The following GSTO2 variants were observed in gnomAD, a reference collection of about 807,000 sequenced individuals.
The protein encoded by GSTO2 is glutathione S-transferase omega 2.
A neutral mutation model predicts 28.4 loss-of-function variants in GSTO2; 23 were observed. The ratio of observed to expected loss-of-function variants is 0.81; its 90% CI spans 0.58 to 1.15. The LOEUF is 1.15. GSTO2 is among the 50% of genes most tolerant of loss of function. The pLI is 0.00. For synonymous variants in GSTO2, 109 were observed against 111.0 expected, an observed-to-expected ratio of 0.98 and a Z score of 0.11; for missense variants, 298 against 297.8, an observed-to-expected ratio of 1.00 and a Z score of 0.00.
At position 104,278,126 on chromosome 10, in the gene GSTO2, A is replaced by G. The variant is rs1288205952; in HGVS notation, c.366+10A>G. 2.5e-6 allele frequency: 4 copies of G among 1,605,200 alleles called. No individual in the cohort carries two copies. In the South Asian group the frequency reaches 4.4e-5, roughly 18 times the overall value. ...GGAGCTATTTTGTAAGGTATATTCAATTTAAAAAGTCACTCACACTGTATT... is the reference window on the plus strand; with the variant it reads ...GGAGCTATTTTGTAAGGTATATTCAGTTTAAAAAGTCACTCACACTGTATT... On this transcript the variant is annotated intron_variant, in intron 4 of 6. Transcript: ENST00000338595.
rs2013223855 is a variant in GSTO2 at position 104,300,449 on chromosome 10, C to G, written c.*1165C>G. ...GTCCCTGGGAGCCCCCATCTCTCCA[C>G]TTATCTTGGTTGAGGTTTTAAACCT... is the stretch of plus-strand genomic sequence containing the variant. On this transcript the variant is annotated 3_prime_UTR_variant, in exon 7 of 7. Transcript: ENST00000338595. 1 of 152,414 alleles carries G rather than the reference C, an allele frequency of 6.6e-6. No individual in the cohort carries two copies. Among genetic ancestry groups the G allele is most frequent in the South Asian group, 2.1e-4 (1 of 4,832 alleles). The allele number at this position is 152,414 out of a possible 1,614,324, so 9.4% of individuals were successfully genotyped here. A position where few individuals can be genotyped will look rare whatever the true frequency, so the allele number is the denominator to read the frequency against.
intron 2 of GSTO2, 45 bp downstream of exon 2, chr10:104,274,994 C>T: frequency 6.4e-7 from 1 of 1,562,050 alleles, no homozygotes; most frequent in East Asian, 2.3e-5. Context: ...CGCCGCGTGA[C>T]AGAAAATGTT....
intron 5 of GSTO2, among the ~76,000 whole-genome samples, chr10:104,294,702 C>T (rs755652795): frequency 4.6e-5 from 7 of 152,120 alleles, no homozygotes; most frequent in Admixed American, 2.0e-4. Context: ...GAAGGATCAC[C>T]GATCCATTTA....
chr10:104,278,255 T>C, intron 4 of GSTO2, 139 bp downstream of exon 4: 2 of 677,142 alleles, frequency 3.0e-6, no homozygotes, highest in African/African-American at 1.8e-5. Context: ...TTAGCTAGCA[T>C]GGAATTAGGG....
intron 5 of GSTO2, chr10:104,286,018 A>G (rs1363766980): frequency 3.6e-6 from 1 of 281,194 alleles, no homozygotes; most frequent in Admixed American, 4.8e-5. Flanking sequence ...GTAGACTACA[A>G]GCTAAATTTT....
intron 5 of GSTO2, among the ~76,000 whole-genome samples, chr10:104,287,795 C>T (rs2012525052): frequency 7.0e-6 from 1 of 142,126 alleles, no homozygotes; most frequent in African/African-American, 2.7e-5. Flanking sequence ...AAGATTTTGT[C>T]TTTTACATTA....
intron 4 of GSTO2, among the ~76,000 whole-genome samples, chr10:104,278,609 G>A (rs886758639): frequency 6.6e-6 from 1 of 152,212 alleles, no homozygotes; most frequent in Non-Finnish European, 1.5e-5. Flanking sequence ...AGCCTCCTGA[G>A]TAGCTGGGAT....
At chr10:104,280,823 C>T (rs191793729) in intron 5 of GSTO2, among the ~76,000 whole-genome samples, 2 of 152,310 alleles carry the variant, frequency 1.3e-5, no homozygotes, top group African/African-American at 4.8e-5. Flanking sequence ...TTCCATTTGA[C>T]CTTTATCAAG....
At chr10:104,278,653 G>A (rs2011801122) in intron 4 of GSTO2, among the ~76,000 whole-genome samples, 2 of 152,208 alleles carry the variant, frequency 1.3e-5, no homozygotes, top group South Asian at 4.1e-4. Flanking sequence ...CCTAATTGTT[G>A]TATTTTTAGT....
In GSTO2 at chr10:104,272,587, C is replaced by CTTTTTTT. The variant is rs768279768; in HGVS notation, c.-231-2060_-231-2054dup. ...GAATCAAAATAGAACAGTTATGGGACTTTTTTTTTTTTTTTTTTTTTTTTT... is the reference window on the plus strand; with the variant it reads ...GAATCAAAATAGAACAGTTATGGGACTTTTTTTTTTTTTTTTTTTTTTTTTTTTTTTT... On this transcript the variant is annotated intron_variant, in intron 1 of 6. Transcript: ENST00000338595. Among the ~76,000 whole-genome samples the CTTTTTTT allele has an allele frequency of 5.6e-3, 275 of 49,290 alleles. 70 individuals are homozygous for CTTTTTTT. The highest frequency in any genetic ancestry group is 8.2e-3 in the Non-Finnish European group (216 of 26,472). 32.3% of individuals were successfully genotyped at this position (49,290 alleles called of 152,430 possible). A position where few individuals can be genotyped will look rare whatever the true frequency, so the allele number is the denominator to read the frequency against.
At chr10:104,272,738 T>C (rs1467422879) in intron 1 of GSTO2, among the ~76,000 whole-genome samples, 1 of 151,462 alleles carries the variant, frequency 6.6e-6, no homozygotes, top group Admixed American at 6.6e-5. Flanking sequence ...CTCAGCCTCC[T>C]GAGTAGCTGG....
chr10:104,281,484 A>G (rs923349862), intron 5 of GSTO2, among the ~76,000 whole-genome samples: 3 of 152,180 alleles, frequency 2.0e-5, no homozygotes, highest in African/African-American at 4.8e-5. Context: ...CATTTGGATG[A>G]TGGATGAACT....
chr10:104,285,295 G>C (rs924179682), intron 5 of GSTO2, among the ~76,000 whole-genome samples: 1 of 151,780 alleles, frequency 6.6e-6, no homozygotes, highest in Non-Finnish European at 1.5e-5. Context: ...AGAGATTGGG[G>C]TCTCTCTCTA....
intron 3 of GSTO2, among the ~76,000 whole-genome samples, chr10:104,276,276 C>A (rs1051236949): frequency 1.3e-5 from 2 of 152,190 alleles, no homozygotes; most frequent in African/African-American, 4.8e-5. Context: ...CCCTTTTGCT[C>A]AAATTAAGCT....
In GSTO2 at chr10:104,299,485, T is replaced by C. The variant is rs1348555115; in HGVS notation, c.*201T>C. On this transcript the variant is annotated 3_prime_UTR_variant, in exon 7 of 7. Coordinates refer to ENST00000338595, the MANE Select transcript of GSTO2 (RefSeq NM_183239.2). ...TGCTGCTACTGCTGCTTTTTTTTCC[T>C]TTTTTTTTTTGAGGCAAGATCTTGC... The C allele has an allele frequency of 2.7e-5, 7 of 258,710 alleles. No individual in the cohort carries two copies. The highest frequency in any genetic ancestry group is 8.3e-5 in the East Asian group (1 of 11,982). 16.0% of individuals were successfully genotyped at this position (258,710 alleles called of 1,614,324 possible).
In GSTO2 at chr10:104,299,213, A is replaced by T. The variant is rs1386298756; in HGVS notation, c.661A>T (p.Ser221Cys). 8.7e-6 allele frequency: 14 copies of T among 1,614,184 alleles called. No homozygotes were observed. Among genetic ancestry groups the T allele is most frequent in the Non-Finnish European group, 1.2e-5 (14 of 1,180,028 alleles). The stretch of plus-strand genomic sequence containing the variant: ...AGTCTGTGCTCTTCTCATGGATAAG[A>T]GCATTTTCCAGGGCTTCTTGAATCT... ...PTVCALLMDK[S>C]IFQGFLNLYF... is the part of the protein sequence containing the mutation. The change falls in exon 7 of 7, where the codon AGC becomes TGC. Residue 221 changes from serine to cysteine, a missense_variant. Transcript: ENST00000338595.
At chr10:104,283,967 A>C (rs1420888189) in intron 5 of GSTO2, among the ~76,000 whole-genome samples, 1 of 152,128 alleles carries the variant, frequency 6.6e-6, no homozygotes, top group Non-Finnish European at 1.5e-5. Context: ...TTGTGGCCTT[A>C]AACTCTGACA....
In GSTO2 at chr10:104,275,265, G is replaced by C. The variant is rs377152092; in HGVS notation, c.74G>C (p.Arg25Pro). The change falls in exon 3 of 7, where the codon CGC becomes CCC. Residue 25 changes from arginine to proline, a missense_variant. Coordinates refer to ENST00000338595, the MANE Select transcript of GSTO2 (RefSeq NM_183239.2). ...PPGPVPEGLI[R>P]IYSMRFCPYS... is the part of the protein sequence containing the mutation. ...GGGCCAGTCCCGGAGGGGCTGATCC[G>C]CATCTACAGCATGAGGTTCTGCCCC... 1.2e-6 allele frequency: 2 copies of C among 1,613,886 alleles called. No individual in the cohort carries two copies. The highest frequency in any genetic ancestry group is 1.7e-6 in the Non-Finnish European group (2 of 1,179,986).
chr10:104,290,865 T>C (rs951959032), intron 5 of GSTO2, among the ~76,000 whole-genome samples: 1 of 152,176 alleles, frequency 6.6e-6, no homozygotes, highest in Non-Finnish European at 1.5e-5. Flanking sequence ...AATAACTTAA[T>C]TGCACATTTA....
Sources: gnomAD v4.1 joint callset for allele counts (sites outside exome capture counted in the v4.1 genomes callset) on GRCh38, gnomAD v4.1.1 for gene constraint, MANE v1.5 for transcripts, NCBI Gene and HGNC (gene_info 2026-07-23, HGNC 2026-07-21) for gene names.